Variants in SYN3 observed in about 807,000 individuals in gnomAD.
SYN3 encodes the protein synapsin-3.
Under a neutral mutation model 65.8 loss-of-function variants are expected in SYN3, and 35 were observed. That is an observed-to-expected ratio of 0.53 (90% CI 0.41 to 0.70). The LOEUF (loss-of-function observed/expected upper bound fraction) is 0.70, where lower values mean the gene tolerates loss of function less well. SYN3 is among the 30% of genes least tolerant of loss of function. The probability of loss-of-function intolerance (pLI) is 0.00; values close to 1 mark genes in which losing one functional copy is unlikely to be tolerated. For missense variants in SYN3, 680 were observed against 749.0 expected (o/e 0.91, Z 1.08); for synonymous variants, 270 against 292.9 (o/e 0.92, Z 0.80).
chr22:32,638,515 G>A (rs745694226), intron 6 of SYN3, among the ~76,000 whole-genome samples: 1 of 152,218 alleles, frequency 6.6e-6, no homozygotes, highest in Non-Finnish European at 1.5e-5. Context: ...TGACCGATGT[G>A]AGATGGTATC....
chr22:32,966,128 G>A (rs2051836268), intron 3 of SYN3, among the ~76,000 whole-genome samples: 1 of 152,156 alleles, frequency 6.6e-6, no homozygotes, highest in Admixed American at 6.5e-5. Context: ...CGAGGGGCAG[G>A]TGAATTAGTA....
intron 3 of SYN3, among the ~76,000 whole-genome samples, chr22:32,962,129 CTTTTTT>C (rs58025844): frequency 0.11 from 11,607 of 107,322 alleles, 523 homozygotes; most frequent in Middle Eastern, 0.22. Context: ...TTTAGAATCT[CTTTTTT>C]TTTTTTTTTT....
chr22:32,959,738 G>A (rs2051587930), intron 3 of SYN3, among the ~76,000 whole-genome samples: 1 of 152,056 alleles, frequency 6.6e-6, no homozygotes, highest in Non-Finnish European at 1.5e-5. Flanking sequence ...GGGACTACAG[G>A]CGTGTGCCAC....
In SYN3 at chr22:32,651,228, C is replaced by T. The variant is rs550244568; in HGVS notation, c.712-54492G>A. Among the ~76,000 whole-genome samples the T allele has an allele frequency of 2.4e-3, 362 of 152,264 alleles. 2 individuals carry two copies. The highest frequency in any genetic ancestry group is 7.6e-3 in the African/African-American group (314 of 41,560). ...CACTGCTCTTGGTAGGAGACATTTT[C>T]GCTTGTGGCGGGAGAAAGAGAAGCC... On this transcript the variant is annotated intron_variant, in intron 6 of 13. Transcript: ENST00000358763.
chr22:32,859,615 G>A lies in SYN3; in HGVS notation c.711+5300C>T, dbSNP rs1161006936. The A allele has an allele frequency of 1.8e-5, 10 of 549,814 alleles. No homozygotes were observed. The South Asian group carries it at 2.3e-4, about 13-fold the overall frequency. The allele number at this position is 549,814 out of a possible 1,614,324, so 34.1% of individuals were successfully genotyped here. Reference sequence around the variant, plus strand: ...ATTCATTTCCACCTGGGAATTTCTGGTGCCATGCCAGAAAGAATGAGGAAC... The same window carrying A: ...ATTCATTTCCACCTGGGAATTTCTGATGCCATGCCAGAAAGAATGAGGAAC... On this transcript the variant is annotated intron_variant, in intron 6 of 13. Transcript: ENST00000358763.
chr22:32,944,160 C>T (rs903673316), intron 3 of SYN3, among the ~76,000 whole-genome samples: 65 of 152,338 alleles, frequency 4.3e-4, no homozygotes, highest in African/African-American at 1.5e-3. Flanking sequence ...CTCAGCATCA[C>T]ATCACACTTA....
At chr22:32,788,825 G>A (rs2046255060) in intron 6 of SYN3, among the ~76,000 whole-genome samples, 2 of 152,162 alleles carry the variant, frequency 1.3e-5, no homozygotes, top group Admixed American at 6.5e-5. Flanking sequence ...TAGTCATTAC[G>A]GACTTCTAGA....
At chr22:32,850,639 C>T (rs1240653073) in intron 6 of SYN3, among the ~76,000 whole-genome samples, 1 of 152,146 alleles carries the variant, frequency 6.6e-6, no homozygotes, top group East Asian at 1.9e-4. Context: ...GTGTGTGACT[C>T]ATCAGAAGTT....
chr22:32,752,822 A>G (rs1295204394), intron 6 of SYN3, among the ~76,000 whole-genome samples: 1 of 152,152 alleles, frequency 6.6e-6, no homozygotes, highest in Non-Finnish European at 1.5e-5. Flanking sequence ...AGAGTGGTGA[A>G]TGCCATGTTT....
chr22:33,055,593 T>C (rs984330228), intron 1 of SYN3, among the ~76,000 whole-genome samples: 10 of 152,208 alleles, frequency 6.6e-5, no homozygotes. Context: ...CCCTGGAGTC[T>C]GCAGTCTAAA....
chr22:32,632,501 C>T (rs527741983), intron 6 of SYN3, among the ~76,000 whole-genome samples: 3 of 152,232 alleles, frequency 2.0e-5, no homozygotes, highest in East Asian at 3.9e-4. Flanking sequence ...TGACCTTGGC[C>T]GAGACACCTT....
rs1056853629 is a variant in SYN3, at chr22:32,508,351, A to T, written c.*5341T>A. ...CAACCCCCTTTGCATGTAATTTTCC[A>T]TTACCTTCCCAAATCCTATAAAACG... is the stretch of plus-strand genomic sequence containing the variant. On this transcript the variant is annotated 3_prime_UTR_variant, in exon 14 of 14. Coordinates refer to ENST00000358763, the MANE Select transcript of SYN3 (RefSeq NM_003490.4). Among the ~76,000 whole-genome samples the T allele has an allele frequency of 6.6e-6, 1 of 151,692 alleles. No homozygotes were observed. Among genetic ancestry groups the T allele is most frequent in the Non-Finnish European group, 1.5e-5 (1 of 67,940 alleles).
At chr22:32,917,311 G>A (rs1231318053) in intron 4 of SYN3, among the ~76,000 whole-genome samples, 3 of 152,092 alleles carry the variant, frequency 2.0e-5, no homozygotes, top group South Asian at 4.2e-4. Context: ...TGGAAGGATC[G>A]TGTGATATGA....
At position 32,509,559 on chromosome 22, in the gene SYN3, GTATTATTAT is replaced by G. The variant is rs10554196; in HGVS notation, c.*4124_*4132del. ...GTTCATACACAGACCAATGGGGAAA[GTATTATTAT>G]TATTATTATTATTATTTTGAGACAG... is the stretch of plus-strand genomic sequence containing the variant. On this transcript the variant is annotated 3_prime_UTR_variant, in exon 14 of 14. Transcript: ENST00000358763. 2.3e-4 allele frequency among the ~76,000 whole-genome samples: 34 copies of G among 149,756 alleles called. No individual in the cohort carries two copies. The highest frequency in any genetic ancestry group is 6.9e-3 in the Middle Eastern group (2 of 288).
chr22:32,715,778 CAAAAA>C (rs765122891), intron 6 of SYN3, among the ~76,000 whole-genome samples: 2 of 67,616 alleles, frequency 3.0e-5, no homozygotes, highest in Non-Finnish European at 5.9e-5. Context: ...GACTCTGTCT[CAAAAA>C]AAAAAAAAAA....
chr22:32,651,902 G>A (rs1362536777), intron 6 of SYN3, among the ~76,000 whole-genome samples: 2 of 152,156 alleles, frequency 1.3e-5, no homozygotes, highest in African/African-American at 2.4e-5. Context: ...ACAATGAGGG[G>A]AATTGCTACT....
chr22:32,879,346 T>G (rs1277978926), intron 4 of SYN3, among the ~76,000 whole-genome samples: 3 of 152,000 alleles, frequency 2.0e-5, no homozygotes, highest in African/African-American at 7.3e-5. Context: ...AGACTTGGAG[T>G]TGCTACAGCA....
chr22:32,627,224 A>G (rs2059680741), intron 6 of SYN3, among the ~76,000 whole-genome samples: 1 of 152,008 alleles, frequency 6.6e-6, no homozygotes, highest in Non-Finnish European at 1.5e-5. Context: ...GCACCACAGC[A>G]TTCTGAACAT....
Position 32,990,674 on chromosome 22 carries a change from CTTCT to C in SYN3, c.312-9976_312-9973del, listed in dbSNP as rs148988467. Reference sequence around the variant, plus strand: ...ACCAAATAGTTACTCTGACTCCTGTCTTCTTTATCAGAAGCTGCCAACTAGTAGA... The same window carrying C: ...ACCAAATAGTTACTCTGACTCCTGTCTTATCAGAAGCTGCCAACTAGTAGA... On this transcript the variant is annotated intron_variant, in intron 2 of 13. Coordinates refer to ENST00000358763, the MANE Select transcript of SYN3 (RefSeq NM_003490.4). 5.2e-3 allele frequency among the ~76,000 whole-genome samples: 789 copies of C among 152,316 alleles called. 7 individuals carry two copies. The highest frequency in any genetic ancestry group is 0.018 in the African/African-American group (760 of 41,576).
Sources: gnomAD v4.1 joint callset for allele counts (sites outside exome capture counted in the v4.1 genomes callset) on GRCh38, gnomAD v4.1.1 for gene constraint, MANE v1.5 for transcripts, NCBI Gene and HGNC (gene_info 2026-07-23, HGNC 2026-07-21) for gene names.